Variants in CSNK1A1 observed in about 807,000 individuals in gnomAD.
CSNK1A1 encodes the protein casein kinase I isoform alpha.
Under a neutral mutation model 46.1 loss-of-function variants are expected in CSNK1A1, and 7 were observed. That is an observed-to-expected ratio of 0.15 (90% CI 0.09 to 0.29). The LOEUF (loss-of-function observed/expected upper bound fraction) is 0.29, where lower values mean the gene tolerates loss of function less well. CSNK1A1 is among the 10% of genes least tolerant of loss of function. The probability of loss-of-function intolerance (pLI) is 1.00; values close to 1 mark genes in which losing one functional copy is unlikely to be tolerated. For missense variants in CSNK1A1, 96 were observed against 417.1 expected, an observed-to-expected ratio of 0.23 and a Z score of 6.71; for synonymous variants, 137 against 141.5, an observed-to-expected ratio of 0.97 and a Z score of 0.23.
intron 6 of CSNK1A1, among the ~76,000 whole-genome samples, chr5:149,511,510 C>T (rs1761223292): frequency 6.6e-6 from 1 of 152,196 alleles, no homozygotes; most frequent in African/African-American, 2.4e-5. Flanking sequence ...AAAGTCTCCA[C>T]CTTTCTTAGT....
At position 149,525,021 on chromosome 5, in the gene CSNK1A1, T is replaced by C. The variant is rs751505281; in HGVS notation, c.357+24A>G. 9 of 1,596,266 alleles carry C rather than the reference T, an allele frequency of 5.6e-6. No homozygotes were observed. The Admixed American group carries it at 1.6e-4, about 28-fold the overall frequency. ...AGTCAACAGTACTAGTCTCAGTTTA[T>C]ATTCTAATCAAAATTTCACATACCT... is the stretch of plus-strand genomic sequence containing the variant. On this transcript the variant is annotated intron_variant, in intron 3 of 9. Transcript: ENST00000377843. The surrounding 1 kb of genome is among the most constrained non-coding windows in gnomAD (Gnocchi z 4.2).
chr5:149,531,395 T>G (rs908894234), intron 2 of CSNK1A1, among the ~76,000 whole-genome samples: 1 of 151,038 alleles, frequency 6.6e-6, no homozygotes, highest in Non-Finnish European at 1.5e-5. Context: ...TTAACATGCC[T>G]GTAATCCAGC....
At chr5:149,543,433 T>C (rs1257406105) in intron 2 of CSNK1A1, among the ~76,000 whole-genome samples, 1 of 152,158 alleles carries the variant, frequency 6.6e-6, no homozygotes, top group Non-Finnish European at 1.5e-5. Flanking sequence ...TGAATTCAGT[T>C]TCCCTTCAAG....
chr5:149,520,486 A>T, intron 3 of CSNK1A1, 98 bp from the exon 4 acceptor site: 3 of 684,124 alleles, frequency 4.4e-6, no homozygotes, highest in Non-Finnish European at 7.5e-6. Context: ...TAGAGTTCAC[A>T]AAGACAGCGC....
intron 2 of CSNK1A1, among the ~76,000 whole-genome samples, chr5:149,535,332 A>C (rs1170506238): frequency 6.6e-6 from 1 of 152,182 alleles, no homozygotes; most frequent in Non-Finnish European, 1.5e-5. Flanking sequence ...TCCCTGGCCT[A>C]GGCTCAGTTC....
At chr5:149,542,686 A>ATG (rs1762337014) in intron 2 of CSNK1A1, among the ~76,000 whole-genome samples, 3 of 18,936 alleles carry the variant, frequency 1.6e-4, no homozygotes, top group African/African-American at 6.7e-4. Context: ...ATATATATAT[A>ATG]TATATATTTT....
Position 149,550,804 on chromosome 5 carries a change from AG to A in CSNK1A1, c.123+37del, listed in dbSNP as rs1219283702. On this transcript the variant is annotated intron_variant, in intron 1 of 9. Coordinates refer to ENST00000377843, the MANE Select transcript of CSNK1A1 (RefSeq NM_001892.6). This position sits in a 1 kb window ranked among gnomAD's most constrained non-coding sequence, Gnocchi z 4.3. ...GGTGGTGGTGGGGGGAATGAGTAAA[AG>A]CGCAGCGTTATCGTGAACCCCACCC... 6.2e-7 allele frequency: 1 copy of A among 1,613,344 alleles called. No individual in the cohort carries two copies. Among genetic ancestry groups the A allele is most frequent in the Non-Finnish European group, 8.5e-7 (1 of 1,179,580 alleles).
At chr5:149,519,008 T>A (rs1410507106) in intron 4 of CSNK1A1, among the ~76,000 whole-genome samples, 3 of 151,292 alleles carry the variant, frequency 2.0e-5, no homozygotes, top group African/African-American at 4.9e-5. Context: ...AGAACAGTAA[T>A]TTTTTTTTCA....
chr5:149,546,168 C>T (rs1025630803), intron 2 of CSNK1A1, among the ~76,000 whole-genome samples: 3 of 151,762 alleles, frequency 2.0e-5, no homozygotes, highest in Non-Finnish European at 4.4e-5. Context: ...TCCCAAAGTG[C>T]TGGGATTACA....
At position 149,514,281 on chromosome 5, in the gene CSNK1A1, T is replaced by C. The variant is rs548756733; in HGVS notation, c.457-1072A>G. ...AGGTATTCATTTATAATGTAGCTAA[T>C]TGTTGTATGTAATTCAAGTTTACAC... On this transcript the variant is annotated intron_variant, in intron 4 of 9. Coordinates refer to ENST00000377843, the MANE Select transcript of CSNK1A1 (RefSeq NM_001892.6). Among the ~76,000 whole-genome samples, 39 of 152,324 alleles carry C rather than the reference T, an allele frequency of 2.6e-4. No individual in the cohort carries two copies. The South Asian group carries it at 5.6e-3, about 22-fold the overall frequency.
At chr5:149,514,776 C>T (rs1330946300) in intron 4 of CSNK1A1, among the ~76,000 whole-genome samples, 1 of 152,194 alleles carries the variant, frequency 6.6e-6, no homozygotes, top group African/African-American at 2.4e-5. Context: ...ACAGTAAAGA[C>T]ACTGACAGTT....
Position 149,550,267 on chromosome 5 carries a change from C to T in CSNK1A1, c.124-86G>A. ...AAGGAGGGAGACATTAGCAAAACTCCAAGTCGCGACTACAAGAAGAAGTGA... is the reference window on the plus strand; with the variant it reads ...AAGGAGGGAGACATTAGCAAAACTCTAAGTCGCGACTACAAGAAGAAGTGA... On this transcript the variant is annotated intron_variant, in intron 1 of 9. Coordinates refer to ENST00000377843, the MANE Select transcript of CSNK1A1 (RefSeq NM_001892.6). The surrounding 1 kb of genome is among the most constrained non-coding windows in gnomAD (Gnocchi z 4.3). 1 of 1,521,096 alleles carries T rather than the reference C, an allele frequency of 6.6e-7. No individual in the cohort carries two copies. Among genetic ancestry groups the T allele is most frequent in the Non-Finnish European group, 8.8e-7 (1 of 1,134,776 alleles). The allele number at this position is 1,521,096 out of a possible 1,614,324, so 94.2% of individuals were successfully genotyped here.
intron 4 of CSNK1A1, among the ~76,000 whole-genome samples, chr5:149,513,957 C>T (rs1761316865): frequency 6.6e-6 from 1 of 151,642 alleles, no homozygotes; most frequent in South Asian, 2.1e-4. Flanking sequence ...CTACAAAGGC[C>T]ATTCTTAAAT....
intron 2 of CSNK1A1, among the ~76,000 whole-genome samples, chr5:149,549,841 G>T (rs1762599591): frequency 6.6e-6 from 1 of 152,172 alleles, no homozygotes; most frequent in Non-Finnish European, 1.5e-5. Context: ...AAAGCCTCGG[G>T]AAGAGTGAGA....
At chr5:149,498,505 A>T (rs2113039017) in intron 9 of CSNK1A1, 1 of 985,346 alleles carries the variant, frequency 1.0e-6, no homozygotes, top group Middle Eastern at 5.2e-4. Context: ...GAAAAGTTTC[A>T]AGCTTCTTGT....
chr5:149,537,722 C>T (rs1470252695), intron 2 of CSNK1A1, among the ~76,000 whole-genome samples: 3 of 102,782 alleles, frequency 2.9e-5, no homozygotes, highest in African/African-American at 1.4e-4. Flanking sequence ...TTATACACAG[C>T]TGAGGTTGGA....
At chr5:149,532,461 G>A (rs1388136697) in intron 2 of CSNK1A1, among the ~76,000 whole-genome samples, 13 of 151,932 alleles carry the variant, frequency 8.6e-5, no homozygotes, top group Admixed American at 8.5e-4. Context: ...GGGAGGTCGA[G>A]GCAGATGGAT....
chr5:149,513,778 T>C (rs755621660), intron 4 of CSNK1A1, among the ~76,000 whole-genome samples: 20 of 151,960 alleles, frequency 1.3e-4, no homozygotes, highest in Non-Finnish European at 2.5e-4. Context: ...CACATGCCTG[T>C]AGTCCCAGCT....
chr5:149,514,829 G>C (rs887519429), intron 4 of CSNK1A1, among the ~76,000 whole-genome samples: 2 of 152,116 alleles, frequency 1.3e-5, no homozygotes, highest in Admixed American at 1.3e-4. Context: ...TTTTTACTTA[G>C]TCTACTATAA....
Sources: allele counts gnomAD v4.1 joint callset (sites outside exome capture counted in the v4.1 genomes callset), GRCh38; gene constraint gnomAD v4.1.1; non-coding constraint Gnocchi (gnomAD v3.1); transcripts MANE v1.5; gene names NCBI Gene and HGNC (gene_info 2026-07-23, HGNC 2026-07-21).